ADGRB3: variants seen among roughly 807,000 people sequenced by gnomAD.
The protein encoded by ADGRB3 is adhesion G protein-coupled receptor B3, also known as brain-specific angiogenesis inhibitor 3.
Under a neutral mutation model 193.4 loss-of-function variants are expected in ADGRB3, and 37 were observed. The ratio of observed to expected loss-of-function variants is 0.19; its 90% CI spans 0.15 to 0.25. The LOEUF (loss-of-function observed/expected upper bound fraction) is 0.25, where lower values mean the gene tolerates loss of function less well. ADGRB3 is among the 10% of genes least tolerant of loss of function. The pLI is 1.00. For missense variants in ADGRB3, 1,637 were observed against 1,852.9 expected, an observed-to-expected ratio of 0.88 and a Z score of 2.14; for synonymous variants, 690 against 644.2, an observed-to-expected ratio of 1.07 and a Z score of -1.08.
At chr6:68,672,856 G>A (rs1768999778) in intron 3 of ADGRB3, among the ~76,000 whole-genome samples, 1 of 152,068 alleles carries the variant, frequency 6.6e-6, no homozygotes, top group African/African-American at 2.4e-5. Flanking sequence ...GAAGCCTTCT[G>A]AGAAAAGACT....
At chr6:68,643,625 G>A (rs561629066) in intron 3 of ADGRB3, among the ~76,000 whole-genome samples, 12 of 151,372 alleles carry the variant, frequency 7.9e-5, no homozygotes, top group South Asian at 4.2e-4. Context: ...ATATTGCAGC[G>A]TGATTTTACA....
At chr6:69,317,690 C>CG (rs1353196159) in intron 20 of ADGRB3, among the ~76,000 whole-genome samples, 1 of 151,470 alleles carries the variant, frequency 6.6e-6, no homozygotes, top group Non-Finnish European at 1.5e-5. Flanking sequence ...CTCTACCACT[C>CG]TTTGTCAGTT....
intron 3 of ADGRB3, among the ~76,000 whole-genome samples, chr6:68,914,460 GA>G (rs1374993447): frequency 6.6e-6 from 1 of 152,000 alleles, no homozygotes; most frequent in East Asian, 1.9e-4. Context: ...GTACGTGAAG[GA>G]GAAATAAAAT....
intron 3 of ADGRB3, among the ~76,000 whole-genome samples, chr6:68,791,834 A>G (rs1052235940): frequency 4.6e-5 from 7 of 152,138 alleles, no homozygotes; most frequent in African/African-American, 1.7e-4. Context: ...GACAATATAG[A>G]ACATTTTGGC....
chr6:69,370,834 G>A (rs1769692308), intron 29 of ADGRB3, among the ~76,000 whole-genome samples: 1 of 152,094 alleles, frequency 6.6e-6, no homozygotes, highest in African/African-American at 2.4e-5. Flanking sequence ...TAGTCACAGT[G>A]CCAAGAAAGG....
chr6:69,041,717 G>A (rs145496102), intron 13 of ADGRB3, among the ~76,000 whole-genome samples: 2 of 152,006 alleles, frequency 1.3e-5, no homozygotes, highest in South Asian at 2.1e-4. Context: ...GGATCCACCC[G>A]CCTCAGCCTC....
rs370010225 is a variant in ADGRB3, at chr6:69,316,615, A to G, written c.2815-8257A>G. On this transcript the variant is annotated intron_variant, in intron 20 of 31. Transcript: ENST00000370598. ...ATAAAACTCCCATAATTTGTAAGTG[A>G]AAATATTGAGGTCCAAAGTTTTTGT... Among the ~76,000 whole-genome samples, 38 of 151,636 alleles carry G rather than the reference A, an allele frequency of 2.5e-4. 1 individual carries two copies. The highest frequency in any genetic ancestry group is 8.7e-4 in the African/African-American group (36 of 41,482).
At chr6:68,745,504 A>T (rs1199865301) in intron 3 of ADGRB3, among the ~76,000 whole-genome samples, 2 of 152,112 alleles carry the variant, frequency 1.3e-5, no homozygotes, top group African/African-American at 4.8e-5. Context: ...AAAGTTATGA[A>T]CATCTGTTTC....
intron 3 of ADGRB3, among the ~76,000 whole-genome samples, chr6:68,831,226 A>C (rs1367192270): frequency 6.6e-6 from 1 of 151,602 alleles, no homozygotes; most frequent in Non-Finnish European, 1.5e-5. Flanking sequence ...TACAAAAGAC[A>C]GAAAAGAAGT....
chr6:69,257,217 TA>T (rs1481924878), intron 20 of ADGRB3, among the ~76,000 whole-genome samples: 1 of 152,230 alleles, frequency 6.6e-6, no homozygotes, highest in Admixed American at 6.5e-5. Flanking sequence ...GCTGGCCTCA[TA>T]AAATGAATTA....
chr6:69,312,215 T>A (rs1768209716), intron 20 of ADGRB3, among the ~76,000 whole-genome samples: 1 of 151,728 alleles, frequency 6.6e-6, no homozygotes, highest in African/African-American at 2.4e-5. Flanking sequence ...TATATCATTA[T>A]TAGATGCAAT....
intron 17 of ADGRB3, among the ~76,000 whole-genome samples, chr6:69,191,760 T>C (rs1377931771): frequency 1.3e-5 from 2 of 152,076 alleles, no homozygotes; most frequent in East Asian, 3.9e-4. Flanking sequence ...CAGAGCCTTG[T>C]CTGAGACAAA....
intron 12 of ADGRB3, among the ~76,000 whole-genome samples, chr6:69,016,826 G>A (rs1249073012): frequency 1.3e-5 from 2 of 151,752 alleles, no homozygotes; most frequent in Admixed American, 1.3e-4. Flanking sequence ...AAGAGAGTGG[G>A]GTTGAGGGAG....
chr6:69,279,816 T>C (rs1767395561), intron 20 of ADGRB3, among the ~76,000 whole-genome samples: 1 of 152,162 alleles, frequency 6.6e-6, no homozygotes, highest in Admixed American at 6.5e-5. Flanking sequence ...AGGAAAAACC[T>C]GTTCACTTGT....
intron 24 of ADGRB3, among the ~76,000 whole-genome samples, chr6:69,336,222 A>G (rs1768844583): frequency 6.6e-6 from 1 of 152,020 alleles, no homozygotes; most frequent in South Asian, 2.1e-4. Context: ...CTTAAATAAA[A>G]TGATAGAGTG....
chr6:69,064,291 C>CTAAATAGTTTAACTATTTAAACTATTT (rs1183539139), intron 16 of ADGRB3, among the ~76,000 whole-genome samples: 114 of 151,704 alleles, frequency 7.5e-4, no homozygotes, highest in Non-Finnish European at 1.1e-3. Context: ...TTAAACTATT[C>CTAAATAGTTTAACTATTTAAACTATTT]TAAATAGTTT....
intron 17 of ADGRB3, among the ~76,000 whole-genome samples, chr6:69,209,491 T>C (rs1386342350): frequency 1.3e-5 from 2 of 152,238 alleles, no homozygotes; most frequent in African/African-American, 4.8e-5. Context: ...GTAAGTCCAG[T>C]GTGTTTGCTA....
chr6:68,863,330 T>C (rs1453550282), intron 3 of ADGRB3, among the ~76,000 whole-genome samples: 1 of 152,076 alleles, frequency 6.6e-6, no homozygotes, highest in Non-Finnish European at 1.5e-5. Context: ...TATGAAGTAA[T>C]ATGGACCATA....
chr6:69,284,810 T>C (rs1561976614), intron 20 of ADGRB3, among the ~76,000 whole-genome samples: 1 of 151,968 alleles, frequency 6.6e-6, no homozygotes, highest in Non-Finnish European at 1.5e-5. Flanking sequence ...TTAAAAACTT[T>C]GAGGGAACAA....
Sources: allele counts gnomAD v4.1 joint callset (sites outside exome capture counted in the v4.1 genomes callset), GRCh38; gene constraint gnomAD v4.1.1; transcripts MANE v1.5; gene names NCBI Gene and HGNC (gene_info 2026-07-23, HGNC 2026-07-21).